Variants in LRP2 observed in about 807,000 individuals in gnomAD.
LRP2 encodes the protein LDL receptor related protein 2.
A neutral mutation model predicts 531.0 loss-of-function variants in LRP2; 172 were observed. The observed-to-expected ratio is 0.32, with a 90% confidence interval of 0.29 to 0.37. The LOEUF (loss-of-function observed/expected upper bound fraction) is 0.37, where lower values mean the gene tolerates loss of function less well. Ranked by LOEUF, LRP2 falls within the 10% of genes least tolerant of loss-of-function variation. The pLI, the probability that LRP2 is intolerant of heterozygous loss-of-function variation, is 1.00. For synonymous variants in LRP2, 1,992 were observed against 2,027.6 expected, an observed-to-expected ratio of 0.98 and a Z score of 0.47; for missense variants, 5,167 against 5,868.3, an observed-to-expected ratio of 0.88 and a Z score of 3.90.
chr2:169,196,650 A>G (rs1004078057), intron 46 of LRP2, among the ~76,000 whole-genome samples: 1 of 152,260 alleles, frequency 6.6e-6, no homozygotes, highest in Non-Finnish European at 1.5e-5. Context: ...TAAGCACTGT[A>G]TTAGGTGCAT....
At position 169,290,838 on chromosome 2, in the gene LRP2, T is replaced by C. The variant is rs1683980219; in HGVS notation, c.922+7A>G. On this transcript the variant is annotated splice_region_variant and intron_variant, in intron 8 of 78. Coordinates refer to ENST00000649046, the MANE Select transcript of LRP2 (RefSeq NM_004525.3). ...TGAAAGCTACCCAGGTAAATGTCTA[T>C]ACTCACTACAGTATTTTCCGGTACT... The C allele has an allele frequency of 3.1e-6, 5 of 1,613,796 alleles. No individual in the cohort carries two copies. Among genetic ancestry groups the C allele is most frequent in the Middle Eastern group, 1.7e-4 (1 of 6,060 alleles).
intron 76 of LRP2, among the ~76,000 whole-genome samples, chr2:169,133,228 G>A (rs942352195): frequency 1.6e-4 from 24 of 152,116 alleles, no homozygotes; most frequent in African/African-American, 5.3e-4. Context: ...AATCTTCTAC[G>A]CATTTTTCTA....
At chr2:169,191,763 A>C in intron 48 of LRP2, 69 bp downstream of exon 48, 1 of 1,366,972 alleles carries the variant, frequency 7.3e-7, no homozygotes, top group South Asian at 1.2e-5. Context: ...GGGGTGCCTG[A>C]TAGGTAAGTG....
intron 33 of LRP2, among the ~76,000 whole-genome samples, chr2:169,221,459 G>C (rs1228773091): frequency 6.6e-6 from 1 of 152,166 alleles, no homozygotes; most frequent in Admixed American, 6.5e-5. Flanking sequence ...CCCTGATACA[G>C]CACATAGAAA....
rs756024445 is a variant in LRP2 at position 169,132,604 on chromosome 2, G to T, written c.13698C>A (p.Asn4566Lys). ...TTCCATCAGCAGCTGGTGAAGTTGG[G>T]TTTGTCTCTGGAACTATCTCAGAAG... ...INPSEIVPETNPTSPAADGTQ... is the reference protein window; with the variant it reads ...INPSEIVPETKPTSPAADGTQ... The change falls in exon 77 of 79, where the codon AAC (asparagine) becomes AAA (lysine). Residue 4566 changes from asparagine to lysine, a missense_variant. Physicochemically the swap from Asn to Lys is moderately conservative, Grantham distance 94. Transcript: ENST00000649046. The T allele has an allele frequency of 1.5e-5, 24 of 1,609,800 alleles. No homozygotes were observed. The highest frequency in any genetic ancestry group is 2.0e-5 in the Non-Finnish European group (23 of 1,176,282).
At chr2:169,193,936 A>G (rs200085652) in intron 46 of LRP2, 44 bp from the exon 47 acceptor site, 105 of 1,613,398 alleles carry the variant, frequency 6.5e-5, no homozygotes, top group Non-Finnish European at 8.8e-5. Context: ...AGTGGTTTAC[A>G]GTCCAGGAAT....
At chr2:169,283,670 C>A (rs1420968427) in intron 9 of LRP2, among the ~76,000 whole-genome samples, 1 of 152,120 alleles carries the variant, frequency 6.6e-6, no homozygotes, top group East Asian at 1.9e-4. Context: ...AAAATTATAA[C>A]CAAAATTAAA....
chr2:169,271,807 G>T, intron 15 of LRP2: 1 of 347,032 alleles, frequency 2.9e-6, no homozygotes, highest in Non-Finnish European at 4.1e-6. Context: ...ATAATTAACA[G>T]CAATCAGAAA....
At chr2:169,276,708 T>C (rs1485844194) in intron 13 of LRP2, among the ~76,000 whole-genome samples, 1 of 152,068 alleles carries the variant, frequency 6.6e-6, no homozygotes, top group African/African-American at 2.4e-5. Context: ...GAGAAAACAA[T>C]AAAATCAAGT....
intron 16 of LRP2, among the ~76,000 whole-genome samples, chr2:169,267,264 G>A (rs1046759702): frequency 1.4e-4 from 22 of 151,772 alleles, no homozygotes; most frequent in African/African-American, 5.1e-4. Flanking sequence ...TAAAATCTCT[G>A]CTTACATAAC....
At chr2:169,168,978 C>G (rs1686891706) in intron 60 of LRP2, among the ~76,000 whole-genome samples, 1 of 152,156 alleles carries the variant, frequency 6.6e-6, no homozygotes, top group Non-Finnish European at 1.5e-5. Context: ...TCTTTGGCAA[C>G]CACATCATCA....
At chr2:169,133,263 C>A (rs556347737) in intron 76 of LRP2, among the ~76,000 whole-genome samples, 53 of 152,322 alleles carry the variant, frequency 3.5e-4, no homozygotes, top group Admixed American at 7.8e-4. Flanking sequence ...TTCCAAGGTT[C>A]CCTTTTAAGA....
chr2:169,147,867 C>T (rs1045673132), intron 68 of LRP2, among the ~76,000 whole-genome samples: 19 of 152,144 alleles, frequency 1.2e-4, no homozygotes, highest in Non-Finnish European at 2.5e-4. Context: ...CAGTGTAATC[C>T]GCTCCTCTGA....
intron 25 of LRP2, among the ~76,000 whole-genome samples, chr2:169,240,399 C>T (rs1413266215): frequency 6.6e-6 from 1 of 152,154 alleles, no homozygotes; most frequent in Admixed American, 6.5e-5. Flanking sequence ...AGTCATAACA[C>T]AGAACATGCG....
chr2:169,154,473 C>G lies in LRP2; in HGVS notation c.12282G>C (p.Lys4094Asn), dbSNP rs750609040. 14 of 1,612,542 alleles carry G rather than the reference C, an allele frequency of 8.7e-6. No homozygotes were observed. The highest frequency in any genetic ancestry group is 1.3e-5 in the African/African-American group (1 of 74,952). ...IQAVDYDWDP[K>N]DIGLSVVYYT... ...GTTTATACTCACTGAGGCCTATGTCCTTGGGATCCCAATCATAATCAACAG... is the reference window on the plus strand; with the variant it reads ...GTTTATACTCACTGAGGCCTATGTCGTTGGGATCCCAATCATAATCAACAG... Residue 4094 changes from lysine to asparagine, a missense_variant, in exon 66 of 79, where the codon AAG becomes AAC. Around this residue, in one of 6 missense-constraint regions of LRP2, gnomAD observed 564 missense variants for 747.7 expected, o/e 0.75. Coordinates refer to ENST00000649046, the MANE Select transcript of LRP2 (RefSeq NM_004525.3).
At chr2:169,187,522 T>G (rs1209682928) in intron 49 of LRP2, among the ~76,000 whole-genome samples, 1 of 152,198 alleles carries the variant, frequency 6.6e-6, no homozygotes, top group Non-Finnish European at 1.5e-5. Flanking sequence ...TGCTGTGGAT[T>G]CTCAACTGCT....
At chr2:169,313,183 C>T (rs377057993) in intron 3 of LRP2, among the ~76,000 whole-genome samples, 46 of 151,680 alleles carry the variant, frequency 3.0e-4, no homozygotes, top group South Asian at 1.0e-3. Context: ...TTGTTATTAC[C>T]GATCGTCTGA....
intron 38 of LRP2, among the ~76,000 whole-genome samples, chr2:169,208,495 C>T (rs996395135): frequency 6.6e-6 from 1 of 152,006 alleles, no homozygotes; most frequent in African/African-American, 2.4e-5. Flanking sequence ...CTCAGTCTGT[C>T]ACCCAGGCTT....
Position 169,205,656 on chromosome 2 carries a change from T to G in LRP2, c.7557-19A>C. ...CAGGTACCTAGTCATACAAAAGGAGTCAATAATTAATTCACAGGGAACCTC... is the reference window on the plus strand; with the variant it reads ...CAGGTACCTAGTCATACAAAAGGAGGCAATAATTAATTCACAGGGAACCTC... On this transcript the variant is annotated intron_variant, in intron 40 of 78. Coordinates refer to ENST00000649046, the MANE Select transcript of LRP2 (RefSeq NM_004525.3). 2 of 1,609,384 alleles carry G rather than the reference T, an allele frequency of 1.2e-6. No individual in the cohort carries two copies. Among genetic ancestry groups the G allele is most frequent in the Non-Finnish European group, 1.7e-6 (2 of 1,177,540 alleles).
Sources: allele counts gnomAD v4.1 joint callset (sites outside exome capture counted in the v4.1 genomes callset), GRCh38; gene constraint gnomAD v4.1.1; regional missense constraint gnomAD v4.1.1; transcripts MANE v1.5; gene names NCBI Gene and HGNC (gene_info 2026-07-23, HGNC 2026-07-21).